The following HAUS1 variants were observed in gnomAD, a reference collection of about 807,000 sequenced individuals.
The protein encoded by HAUS1 is HAUS augmin-like complex subunit 1.
Under a neutral mutation model 38.6 loss-of-function variants are expected in HAUS1, and 25 were observed. The observed-to-expected ratio is 0.65, with a 90% confidence interval of 0.47 to 0.91. The LOEUF is 0.91. Ranked by LOEUF, HAUS1 falls within the 40% of genes least tolerant of loss-of-function variation. The pLI is 0.00. For missense variants in HAUS1, 325 were observed against 328.4 expected, an observed-to-expected ratio of 0.99 and a Z score of 0.08; for synonymous variants, 109 against 112.9, an observed-to-expected ratio of 0.97 and a Z score of 0.22.
At chr18:46,109,632 T>C (rs1221541930) in intron 2 of HAUS1, 2 of 152,138 alleles carry the variant, frequency 1.3e-5, no homozygotes, top group Non-Finnish European at 2.9e-5. Flanking sequence ...CTTTTTTTTT[T>C]TCCTCCCGAG....
chr18:46,118,764 T>G (rs1911859293), intron 3 of HAUS1, among the ~76,000 whole-genome samples: 1 of 152,182 alleles, frequency 6.6e-6, no homozygotes, highest in Non-Finnish European at 1.5e-5. Context: ...GTTAAATAAT[T>G]TATCCGAGCT....
rs1260775948 is a variant in HAUS1, at chr18:46,119,992, C to A, written c.408C>A (p.Ile136=). 3 of 1,608,640 alleles carry A rather than the reference C, an allele frequency of 1.9e-6. No individual in the cohort carries two copies. The highest frequency in any genetic ancestry group is 2.5e-6 in the Non-Finnish European group (3 of 1,176,956). The change falls in exon 4 of 9, where the codon ATC becomes ATA. Residue 136 remains isoleucine (I), a synonymous_variant. Coordinates refer to ENST00000282058, the MANE Select transcript of HAUS1 (RefSeq NM_138443.4). ...GTACCAAATCCAAAAGTGAAGAAAT[C>A]AAGATTGAACTGGAAAAACTTGAAA... ...LFRTKSKSEE[I]KIELEKLEKN...
Position 46,104,486 on chromosome 18 carries a change from T to C in HAUS1, c.30+45T>C, listed in dbSNP as rs936606488. 4 of 1,429,458 alleles carry C rather than the reference T, an allele frequency of 2.8e-6. No homozygotes were observed. In the African/African-American group the frequency reaches 5.9e-5, roughly 21 times the overall value. 88.5% of individuals were successfully genotyped at this position (1,429,458 alleles called of 1,614,324 possible). A position where few individuals can be genotyped will look rare whatever the true frequency, so the allele number is the denominator to read the frequency against. Reference sequence around the variant, plus strand: ...GATCGTTGGCCTCCTGGAAAACGCGTTTTTGACACCCCCGCGCCGACAGCG... The same window carrying C: ...GATCGTTGGCCTCCTGGAAAACGCGCTTTTGACACCCCCGCGCCGACAGCG... On this transcript the variant is annotated intron_variant, in intron 1 of 8. Transcript: ENST00000282058.
intron 7 of HAUS1, among the ~76,000 whole-genome samples, chr18:46,125,161 G>A (rs975426188): frequency 5.9e-5 from 9 of 151,924 alleles, no homozygotes; most frequent in African/African-American, 1.9e-4. Flanking sequence ...TCAGGAGGCC[G>A]AGGCTGGAGA....
intron 4 of HAUS1, among the ~76,000 whole-genome samples, chr18:46,121,175 T>C (rs1222880513): frequency 2.0e-5 from 3 of 152,060 alleles, no homozygotes; most frequent in Non-Finnish European, 2.9e-5. Flanking sequence ...TTTTTATTTA[T>C]TTATTTACTT....
intron 2 of HAUS1, among the ~76,000 whole-genome samples, chr18:46,108,338 C>T (rs1306710762): frequency 6.9e-6 from 1 of 144,436 alleles, no homozygotes; most frequent in Admixed American, 7.2e-5. Flanking sequence ...TTACTAGAGA[C>T]AGTGTTTCAC....
intron 2 of HAUS1, among the ~76,000 whole-genome samples, chr18:46,107,208 T>TCC (rs1790371196): frequency 6.6e-6 from 1 of 152,126 alleles, no homozygotes; most frequent in Non-Finnish European, 1.5e-5. Context: ...AGCCATATTC[T>TCC]CCCATATATG....
intron 4 of HAUS1, among the ~76,000 whole-genome samples, chr18:46,120,920 T>A (rs1911921874): frequency 6.6e-6 from 1 of 152,172 alleles, no homozygotes; most frequent in Non-Finnish European, 1.5e-5. Flanking sequence ...AATATGGGTT[T>A]TAGAATTTTC....
rs937948844 is a variant in HAUS1, at chr18:46,110,183, T to C, written c.205+4815T>C. Among the ~76,000 whole-genome samples the C allele has an allele frequency of 8.7e-5, 12 of 137,992 alleles. No homozygotes were observed. The South Asian group carries it at 9.2e-4, about 11-fold the overall frequency. The allele number at this position is 137,992 out of a possible 152,430, so 90.5% of individuals were successfully genotyped here. On this transcript the variant is annotated intron_variant, in intron 2 of 8. Coordinates refer to ENST00000282058, the MANE Select transcript of HAUS1 (RefSeq NM_138443.4). Reference sequence around the variant, plus strand: ...TTTTTTTTTTTTTTTTGACACAGAGTCTTGCTCTGTCACCCAGGCTGACGT... The same window carrying C: ...TTTTTTTTTTTTTTTTGACACAGAGCCTTGCTCTGTCACCCAGGCTGACGT...
chr18:46,106,361 C>G (rs764383317), intron 2 of HAUS1, among the ~76,000 whole-genome samples: 62 of 151,566 alleles, frequency 4.1e-4, no homozygotes, highest in Non-Finnish European at 6.3e-4. Context: ...TCCAGCTGCT[C>G]GGAAGGCTGA....
rs778595422 is a variant in HAUS1 at position 46,118,253 on chromosome 18, G to C, written c.278G>C (p.Arg93Thr). The change falls in exon 3 of 9, where the codon AGG becomes ACG. Residue 93 changes from arginine (R) to threonine (T), a missense_variant. Physicochemically the swap from Arg to Thr is moderately conservative, Grantham distance 71. Coordinates refer to ENST00000282058, the MANE Select transcript of HAUS1 (RefSeq NM_138443.4). ...SPANLSSTGS[R>T]YLNALVDSAV... ...GCCAATCTCTCTAGCACTGGTTCCA[G>C]GTATCTGAATGCTTTGGTTGACAGT... 6.2e-7 allele frequency: 1 copy of C among 1,612,770 alleles called. No homozygotes were observed. Among genetic ancestry groups the C allele is most frequent in the South Asian group, 1.1e-5 (1 of 91,018 alleles).
Position 46,105,258 on chromosome 18 carries a change from G to C in HAUS1, c.95G>C (p.Arg32Pro). Residue 32 changes from arginine (R) to proline (P), a missense_variant, in exon 2 of 9, where the codon CGG becomes CCG. By Grantham distance (103) the Arg-to-Pro change is moderately radical (BLOSUM62 -2). Coordinates refer to ENST00000282058, the MANE Select transcript of HAUS1 (RefSeq NM_138443.4). ...HPIPQYEVNP[R>P]TTEILHHLSE... ...ATTCCACAGTATGAGGTGAACCCAC[G>C]GACCACAGAGATTTTACATCACCTT... 6.2e-7 allele frequency: 1 copy of C among 1,613,438 alleles called. No homozygotes were observed. The highest frequency in any genetic ancestry group is 1.3e-5 in the African/African-American group (1 of 74,934).
At chr18:46,119,902 T>C (rs757229336) in intron 3 of HAUS1, 24 bp from the exon 4 acceptor site, 15 of 1,561,546 alleles carry the variant, frequency 9.6e-6, no homozygotes, top group Middle Eastern at 2.0e-4. Context: ...TAAGCCCATG[T>C]ATATGACCAG....
intron 2 of HAUS1, among the ~76,000 whole-genome samples, chr18:46,116,363 G>A (rs1237019732): frequency 6.6e-6 from 1 of 151,078 alleles, no homozygotes; most frequent in Non-Finnish European, 1.5e-5. Context: ...GGAGTTTGAG[G>A]TCAGCCTAGG....
At chr18:46,125,658 C>A in intron 7 of HAUS1, 86 bp from the exon 8 acceptor site, 1 of 910,704 alleles carries the variant, frequency 1.1e-6, no homozygotes, top group Non-Finnish European at 1.7e-6. Context: ...GGATTTTTGC[C>A]TTTTGAAAAG....
At position 46,121,891 on chromosome 18, in the gene HAUS1, G is replaced by A. The variant is rs189126504; in HGVS notation, c.477-576G>A. 1.2e-4 allele frequency among the ~76,000 whole-genome samples: 19 copies of A among 152,042 alleles called. No homozygotes were observed. In the East Asian group the frequency reaches 2.5e-3, roughly 20 times the overall value. On this transcript the variant is annotated intron_variant, in intron 4 of 8. Transcript: ENST00000282058. Reference sequence around the variant, plus strand: ...GAGTCTTACTCTGCCACCCACACTGGAGTGCAGTGGTACAATCTCAGCTCA... The same window carrying A: ...GAGTCTTACTCTGCCACCCACACTGAAGTGCAGTGGTACAATCTCAGCTCA...
chr18:46,123,316 A>C lies in HAUS1; in HGVS notation c.618A>C (p.Arg206Ser). ...IKAAEEQLSA[R>S]GMDASLSHQS... ...AATTGTAGGAGCAACTTTCAGCCAG[A>C]GGCATGGATGCTTCTCTGTCTCATC... Residue 206 changes from arginine to serine, a missense_variant, in exon 6 of 9, where the codon AGA becomes AGC. Physicochemically the swap from Arg to Ser is moderately radical, Grantham distance 110. Transcript: ENST00000282058. 1 of 1,611,596 alleles carries C rather than the reference A, an allele frequency of 6.2e-7. No homozygotes were observed. Among genetic ancestry groups the C allele is most frequent in the South Asian group, 1.1e-5 (1 of 90,682 alleles).
intron 4 of HAUS1, among the ~76,000 whole-genome samples, chr18:46,120,513 C>A (rs192885332): frequency 6.6e-6 from 1 of 152,084 alleles, no homozygotes; most frequent in Non-Finnish European, 1.5e-5. Context: ...GGATTACAGG[C>A]GTGAGCCACT....
At position 46,118,190 on chromosome 18, in the gene HAUS1, T is replaced by C; in HGVS notation, c.215T>C (p.Leu72Pro). ...TCTTTCATGTTTTTAGCCAAGTATC[T>C]TCAAGACCTTCTCATGGAGAGTGTG... Reference protein sequence around the residue: ...ASEYESEAKYLQDLLMESVNF... With the variant: ...ASEYESEAKYPQDLLMESVNF... Residue 72 changes from leucine to proline, a missense_variant, in exon 3 of 9, where the codon CTT becomes CCT. Physicochemically the swap from Leu to Pro is moderately conservative, Grantham distance 98 (BLOSUM62 -3). Coordinates refer to ENST00000282058, the MANE Select transcript of HAUS1 (RefSeq NM_138443.4). 6.2e-7 allele frequency: 1 copy of C among 1,611,972 alleles called. No homozygotes were observed. The highest frequency in any genetic ancestry group is 8.5e-7 in the Non-Finnish European group (1 of 1,179,850).
Sources: gnomAD v4.1 joint callset for allele counts (sites outside exome capture counted in the v4.1 genomes callset) on GRCh38, gnomAD v4.1.1 for gene constraint, MANE v1.5 for transcripts, NCBI Gene and HGNC (gene_info 2026-07-23, HGNC 2026-07-21) for gene names.